The following LYRM9 variants were observed in gnomAD, a reference collection of about 807,000 sequenced individuals.
LYRM9 encodes the protein LYR motif containing 9.
Under a neutral mutation model 12.6 loss-of-function variants are expected in LYRM9, and 14 were observed. That is an observed-to-expected ratio of 1.11 (90% CI 0.73 to 1.73). LYRM9 has a LOEUF of 1.73. Ranked by LOEUF, LYRM9 falls within the 40% of genes most tolerant of loss-of-function variation. The probability of loss-of-function intolerance (pLI) is 0.00; values close to 1 mark genes in which losing one functional copy is unlikely to be tolerated. For synonymous variants in LYRM9, 42 were observed against 35.1 expected, an observed-to-expected ratio of 1.20 and a Z score of -0.69; for missense variants, 94 against 95.0, an observed-to-expected ratio of 0.99 and a Z score of 0.04.
intron 1 of LYRM9, among the ~76,000 whole-genome samples, chr17:27,883,546 A>C (rs1245710702): frequency 2.0e-5 from 3 of 151,674 alleles, no homozygotes; most frequent in Non-Finnish European, 2.9e-5. Context: ...GCTACTTGGG[A>C]GGCTGAGGCA....
At chr17:27,884,455 AG>A (rs1361170052) in intron 1 of LYRM9, among the ~76,000 whole-genome samples, 1 of 152,218 alleles carries the variant, frequency 6.6e-6, no homozygotes, top group African/African-American at 2.4e-5. Context: ...GGCGCCTTTC[AG>A]TGCACATGCA....
intron 1 of LYRM9, chr17:27,892,191 C>T (rs1011470919): frequency 5.8e-5 from 13 of 225,380 alleles, no homozygotes; most frequent in South Asian, 1.5e-4. Flanking sequence ...CAGCCTCCTA[C>T]GGTGCTGAGA....
At position 27,886,661 on chromosome 17, in the gene LYRM9, T is replaced by A. The variant is rs1174556817; in HGVS notation, c.-18-3949A>T. On this transcript the variant is annotated intron_variant, in intron 1 of 3. Transcript: ENST00000379102. This position sits in a 1 kb window ranked among gnomAD's most constrained non-coding sequence, Gnocchi z 4.8. ...TTTTCTTTTCTTTTTTTATTTTTTT[T>A]TTTTTGAGACAGAGTTTCGCTCTTG... 1.3e-5 allele frequency among the ~76,000 whole-genome samples: 2 copies of A among 150,912 alleles called. No individual in the cohort carries two copies. The highest frequency in any genetic ancestry group is 4.9e-5 in the African/African-American group (2 of 41,034).
chr17:27,880,716 C>T (rs1400750188), intron 2 of LYRM9: 2 of 297,320 alleles, frequency 6.7e-6, no homozygotes, highest in Non-Finnish European at 1.3e-5. Context: ...CCTCAGAAGA[C>T]GCTGCTTTCC....
chr17:27,880,453 G>A, intron 2 of LYRM9, 87 bp from the exon 3 acceptor site: 2 of 884,844 alleles, frequency 2.3e-6, no homozygotes, highest in East Asian at 2.6e-5. Flanking sequence ...CAGGGACACT[G>A]CTGGGCACTT....
intron 1 of LYRM9, among the ~76,000 whole-genome samples, chr17:27,883,835 TAAAAAAAAAAA>T (rs781375467): frequency 8.1e-4 from 20 of 24,574 alleles, no homozygotes; most frequent in South Asian, 2.6e-3. Flanking sequence ...AGCCTTTTTC[TAAAAAAAAAAA>T]AAAAAAAAAA....
rs543887184 is a variant in LYRM9, at chr17:27,879,114, C to T, written c.*359G>A. ...GTGCTTTCTTCTGTACAGGTTGCTA[C>T]CTGAGGGGACATCTGCTCTGGGACT... On this transcript the variant is annotated 3_prime_UTR_variant, in exon 4 of 4. Transcript: ENST00000379102. The T allele has an allele frequency of 4.5e-6, 1 of 222,640 alleles. No homozygotes were observed. Among genetic ancestry groups the T allele is most frequent in the Non-Finnish European group, 8.9e-6 (1 of 112,352 alleles). The allele number at this position is 222,640 out of a possible 1,614,324, so 13.8% of individuals were successfully genotyped here.
chr17:27,882,638 G>A lies in LYRM9; in HGVS notation c.57C>T (p.Tyr19=), dbSNP rs1187405568. 1.9e-6 allele frequency: 3 copies of A among 1,602,502 alleles called. No individual in the cohort carries two copies. Among genetic ancestry groups the A allele is most frequent in the East Asian group, 4.5e-5 (2 of 44,392 alleles). The change falls in exon 2 of 4, where the codon TAC becomes TAT. Residue 19 remains tyrosine, a synonymous_variant. Coordinates refer to ENST00000379102, the MANE Select transcript of LYRM9 (RefSeq NM_001076680.3). ...GCAGCTGCTGGCAACAGCGCAGCAA[G>A]TATCGGTAGAGCTGCAGTGGCCTCC... ...LVRRPLQLYR[Y]LLRCCQQLPT...
chr17:27,888,935 G>C (rs1239506209), intron 1 of LYRM9, among the ~76,000 whole-genome samples: 1 of 152,020 alleles, frequency 6.6e-6, no homozygotes, highest in East Asian at 1.9e-4. Flanking sequence ...CTACTCTTTG[G>C]GACAAAATCT....
In LYRM9 at chr17:27,885,489, T is replaced by C. The variant is rs572498028; in HGVS notation, c.-18-2777A>G. 7.9e-5 allele frequency among the ~76,000 whole-genome samples: 12 copies of C among 152,136 alleles called. No individual in the cohort carries two copies. The East Asian group carries it at 1.2e-3, about 15-fold the overall frequency. On this transcript the variant is annotated intron_variant, in intron 1 of 3. Coordinates refer to ENST00000379102, the MANE Select transcript of LYRM9 (RefSeq NM_001076680.3). ...ACTTTGGCAGGCTGCGATGGGTGGA[T>C]TGCTTGAAGCCAGGAGTTTGAGACC...
At chr17:27,881,392 C>T (rs1439065729) in intron 2 of LYRM9, among the ~76,000 whole-genome samples, 1 of 151,850 alleles carries the variant, frequency 6.6e-6, no homozygotes, top group Admixed American at 6.5e-5. Context: ...GCTAACTGCT[C>T]GTTCTCCATG....
chr17:27,884,116 C>T (rs985703549), intron 1 of LYRM9, among the ~76,000 whole-genome samples: 6 of 147,806 alleles, frequency 4.1e-5, no homozygotes, highest in African/African-American at 1.5e-4. Flanking sequence ...ATACAGCAAG[C>T]TCTCTTTTGT....
intron 1 of LYRM9, chr17:27,883,200 T>A (rs1905123037): frequency 3.0e-6 from 1 of 334,532 alleles, no homozygotes; most frequent in East Asian, 8.5e-5. Context: ...AAATGTAGTC[T>A]TGGGCCCCAC....
At chr17:27,887,512 C>A (rs925721829) in intron 1 of LYRM9, among the ~76,000 whole-genome samples, 1 of 152,192 alleles carries the variant, frequency 6.6e-6, no homozygotes, top group Non-Finnish European at 1.5e-5. Context: ...CCCTCTCGAT[C>A]TGGCCCCTAC....
At chr17:27,881,580 T>C (rs536932854) in intron 2 of LYRM9, among the ~76,000 whole-genome samples, 132 of 152,328 alleles carry the variant, frequency 8.7e-4, no homozygotes, top group Non-Finnish European at 1.7e-3. Context: ...AACATTTTGC[T>C]ACACTCGCTT....
rs59760752 is a variant in LYRM9 at position 27,887,713 on chromosome 17, GGTGTGTGTGTGT to G, written c.-18-5013_-18-5002del. On this transcript the variant is annotated intron_variant, in intron 1 of 3. Transcript: ENST00000379102. The stretch of plus-strand genomic sequence containing the variant: ...GAGAAACAGAACCTATAGGAGGGAG[GGTGTGTGTGTGT>G]GTGTGTGTGTGTGTGTGTGTGTGTG... 8.5e-3 allele frequency among the ~76,000 whole-genome samples: 736 copies of G among 86,810 alleles called. 8 individuals are homozygous for G. Among genetic ancestry groups the G allele is most frequent in the African/African-American group, 0.017 (591 of 35,662 alleles). 57.0% of individuals were successfully genotyped at this position (86,810 alleles called of 152,430 possible).
chr17:27,883,503 A>G (rs1905133588), intron 1 of LYRM9, among the ~76,000 whole-genome samples: 1 of 152,058 alleles, frequency 6.6e-6, no homozygotes, highest in African/African-American at 2.4e-5. Flanking sequence ...TACAAAAATT[A>G]GCCAGGCTTA....
At position 27,886,039 on chromosome 17, in the gene LYRM9, TCAGGAGCAACCA is replaced by T. The variant is rs1244316878; in HGVS notation, c.-18-3339_-18-3328del. ...ACCCGTTCAAGGGTGGCCAAGACCA[TCAGGAGCAACCA>T]CAGGAGACATACCACCAAAGTCCCA... On this transcript the variant is annotated intron_variant, in intron 1 of 3. Transcript: ENST00000379102. The surrounding 1 kb of genome is among the most constrained non-coding windows in gnomAD (Gnocchi z 4.8). Among the ~76,000 whole-genome samples, 4 of 151,824 alleles carry T rather than the reference TCAGGAGCAACCA, an allele frequency of 2.6e-5. No individual in the cohort carries two copies. The highest frequency in any genetic ancestry group is 5.9e-5 in the Non-Finnish European group (4 of 67,894).
chr17:27,890,827 A>T (rs1387692514), intron 1 of LYRM9, among the ~76,000 whole-genome samples: 1 of 152,200 alleles, frequency 6.6e-6, no homozygotes, highest in African/African-American at 2.4e-5. Flanking sequence ...AAGTTGAAAA[A>T]TAGGAATGGA....
Sources: gnomAD v4.1 joint callset for allele counts (sites outside exome capture counted in the v4.1 genomes callset) on GRCh38, gnomAD v4.1.1 for gene constraint, Gnocchi (gnomAD v3.1) non-coding constraint, MANE v1.5 for transcripts, NCBI Gene and HGNC (gene_info 2026-07-23, HGNC 2026-07-21) for gene names.